The following LRRC4C variants were observed in gnomAD, a reference collection of about 807,000 sequenced individuals.
LRRC4C encodes the protein leucine rich repeat containing 4C.
In LRRC4C, 5 loss-of-function variants were observed where a neutral mutation model predicts 33.6. That is an observed-to-expected ratio of 0.15 (90% confidence interval 0.08 to 0.31). The LOEUF is 0.31. LRRC4C is among the 10% of genes least tolerant of loss of function. The pLI is 1.00. For missense variants in LRRC4C, 560 were observed against 796.7 expected, an observed-to-expected ratio of 0.70 and a Z score of 3.58; for synonymous variants, 329 against 302.0, an observed-to-expected ratio of 1.09 and a Z score of -0.93.
chr11:40,253,722 C>T (rs1866972533), intron 4 of LRRC4C, among the ~76,000 whole-genome samples: 1 of 152,164 alleles, frequency 6.6e-6, no homozygotes, highest in African/African-American at 2.4e-5. Context: ...GGATCCAAAT[C>T]CTGGCTCGAC....
chr11:40,356,247 T>C (rs1947665514), intron 3 of LRRC4C, among the ~76,000 whole-genome samples: 1 of 152,110 alleles, frequency 6.6e-6, no homozygotes, highest in African/African-American at 2.4e-5. Flanking sequence ...CTCACAAAAT[T>C]CTTGAATATT....
chr11:40,917,237 T>G (rs1227799700), intron 2 of LRRC4C, among the ~76,000 whole-genome samples: 1 of 152,138 alleles, frequency 6.6e-6, no homozygotes, highest in Non-Finnish European at 1.5e-5. Context: ...CTCTCCATAA[T>G]GTGGCTAGGA....
intron 1 of LRRC4C, among the ~76,000 whole-genome samples, chr11:41,297,546 A>G (rs575231468): frequency 3.3e-5 from 5 of 152,282 alleles, no homozygotes; most frequent in African/African-American, 1.2e-4. Context: ...AAAAACTTAG[A>G]TTTTTTGGCA....
At chr11:41,087,229 A>G (rs1265249769) in intron 1 of LRRC4C, among the ~76,000 whole-genome samples, 1 of 152,098 alleles carries the variant, frequency 6.6e-6, no homozygotes, top group African/African-American at 2.4e-5. Context: ...TCCTACTGCC[A>G]ATACCATAGC....
chr11:41,273,703 C>T (rs1384608655), intron 1 of LRRC4C, among the ~76,000 whole-genome samples: 2 of 152,184 alleles, frequency 1.3e-5, no homozygotes, highest in South Asian at 2.1e-4. Context: ...TGGTATTGTG[C>T]ACTTTAAAAT....
intron 4 of LRRC4C, among the ~76,000 whole-genome samples, chr11:40,299,605 G>A (rs2861889): frequency 0.98 from 148,942 of 152,380 alleles, 72,888 homozygotes; most frequent in Middle Eastern, 1. Flanking sequence ...GAAATAGCTA[G>A]CATGAATGGG....
intron 1 of LRRC4C, among the ~76,000 whole-genome samples, chr11:40,979,752 G>A (rs538891007): frequency 2.6e-4 from 40 of 152,288 alleles, no homozygotes; most frequent in Non-Finnish European, 4.9e-4. Context: ...GCCATTTTAT[G>A]TGTTTCACCT....
chr11:41,133,677 C>T (rs1196377199), intron 1 of LRRC4C, among the ~76,000 whole-genome samples: 1 of 152,078 alleles, frequency 6.6e-6, no homozygotes, highest in Non-Finnish European at 1.5e-5. Context: ...AGAACAGACT[C>T]TTTGTGACAA....
At chr11:40,880,353 G>T (rs1017272829) in intron 2 of LRRC4C, among the ~76,000 whole-genome samples, 1 of 152,046 alleles carries the variant, frequency 6.6e-6, no homozygotes, top group African/African-American at 2.4e-5. Context: ...ACTAAACTCT[G>T]AGGTGATTCA....
chr11:40,667,721 A>G (rs1240181386), intron 2 of LRRC4C, among the ~76,000 whole-genome samples: 1 of 152,216 alleles, frequency 6.6e-6, no homozygotes, highest in East Asian at 1.9e-4. Flanking sequence ...ATGGGACCTC[A>G]GTCCTATAAC....
intron 5 of LRRC4C, among the ~76,000 whole-genome samples, chr11:40,206,241 T>G (rs962953834): frequency 6.6e-6 from 1 of 152,120 alleles, no homozygotes; most frequent in Non-Finnish European, 1.5e-5. Flanking sequence ...CCATTTTTCT[T>G]TTTTTTCTTT....
intron 1 of LRRC4C, among the ~76,000 whole-genome samples, chr11:41,142,533 A>C (rs539385233): frequency 2.6e-5 from 4 of 152,274 alleles, no homozygotes; most frequent in African/African-American, 9.6e-5. Context: ...TCCTGTAAAC[A>C]TGTAAATTGT....
At chr11:41,453,937 C>G (rs1323825916) in intron 1 of LRRC4C, among the ~76,000 whole-genome samples, 1 of 152,098 alleles carries the variant, frequency 6.6e-6, no homozygotes, top group Admixed American at 6.6e-5. Context: ...ATTGACATCC[C>G]TCTTTCCTTT....
At chr11:40,920,613 G>C (rs1001047401) in intron 2 of LRRC4C, among the ~76,000 whole-genome samples, 2 of 152,046 alleles carry the variant, frequency 1.3e-5, no homozygotes, top group Non-Finnish European at 2.9e-5. Flanking sequence ...GGTTTTTTCA[G>C]ATTCATGAGT....
intron 1 of LRRC4C, among the ~76,000 whole-genome samples, chr11:41,166,309 C>T (rs12222492): frequency 0.076 from 11,576 of 152,128 alleles, 657 homozygotes; most frequent in African/African-American, 0.16. Flanking sequence ...GTCCCTGGAG[C>T]AATTTGCATT....
intron 3 of LRRC4C, among the ~76,000 whole-genome samples, chr11:40,546,992 G>T (rs1956950825): frequency 6.6e-6 from 1 of 152,164 alleles, no homozygotes; most frequent in African/African-American, 2.4e-5. Context: ...GTTCGTTACA[G>T]ATAGATAGTA....
chr11:40,202,427 G>C (rs1407212962), intron 5 of LRRC4C, among the ~76,000 whole-genome samples: 4 of 151,976 alleles, frequency 2.6e-5, no homozygotes. Flanking sequence ...GTCAAGCAGG[G>C]AGAGGAAAGC....
chr11:40,457,020 A>G (rs1952163133), intron 3 of LRRC4C, among the ~76,000 whole-genome samples: 2 of 151,804 alleles, frequency 1.3e-5, no homozygotes, highest in South Asian at 4.1e-4. Flanking sequence ...TTAGAACCTG[A>G]ACTCCTAAAT....
intron 1 of LRRC4C, among the ~76,000 whole-genome samples, chr11:40,939,562 T>TTC (rs772955128): frequency 6.6e-6 from 1 of 152,158 alleles, no homozygotes; most frequent in Non-Finnish European, 1.5e-5. Flanking sequence ...TAGGCACTCT[T>TTC]TCGGCACCTG....
Sources: allele counts gnomAD v4.1 joint callset (sites outside exome capture counted in the v4.1 genomes callset), GRCh38; gene constraint gnomAD v4.1.1; transcripts MANE v1.5; gene names NCBI Gene and HGNC (gene_info 2026-07-23, HGNC 2026-07-21).